XIRP2: variants seen among roughly 807,000 people sequenced by gnomAD.
XIRP2 encodes the protein xin actin binding repeat containing 2.
XIRP2 carries 236 observed loss-of-function variants against 277.0 expected under a neutral mutation model. The ratio of observed to expected loss-of-function variants is 0.85; its 90% CI spans 0.77 to 0.95. The LOEUF (loss-of-function observed/expected upper bound fraction) is 0.95, where lower values mean the gene tolerates loss of function less well. Ranked by LOEUF, XIRP2 falls within the 40% of genes least tolerant of loss-of-function variation. The probability of loss-of-function intolerance (pLI) is 0.00; values close to 1 mark genes in which losing one functional copy is unlikely to be tolerated. For missense variants in XIRP2, 4,640 were observed against 4,157.5 expected (o/e 1.12, Z -3.19); for synonymous variants, 1,490 against 1,416.5 (o/e 1.05, Z -1.17).
At chr2:166,897,741 T>C (rs2105331141) in intron 1 of XIRP2, among the ~76,000 whole-genome samples, 1 of 152,158 alleles carries the variant, frequency 6.6e-6, no homozygotes, top group African/African-American at 2.4e-5. Flanking sequence ...TTAGCCAGGC[T>C]AGAGCTGACC....
chr2:167,047,193 A>G (rs1688806632), intron 2 of XIRP2, among the ~76,000 whole-genome samples: 1 of 151,970 alleles, frequency 6.6e-6, no homozygotes, highest in African/African-American at 2.4e-5. Flanking sequence ...ATCAACAAAT[A>G]AAGTAATACA....
At chr2:166,952,051 T>A (rs1686049987) in intron 2 of XIRP2, among the ~76,000 whole-genome samples, 1 of 152,028 alleles carries the variant, frequency 6.6e-6, no homozygotes, top group South Asian at 2.1e-4. Flanking sequence ...CCTGCCCTAT[T>A]GAAGTGTGTG....
At chr2:167,021,377 C>A (rs1425747735) in intron 2 of XIRP2, among the ~76,000 whole-genome samples, 1 of 151,950 alleles carries the variant, frequency 6.6e-6, no homozygotes, top group Non-Finnish European at 1.5e-5. Flanking sequence ...TAGTTGTTTC[C>A]TGATATGTCT....
chr2:167,136,377 A>G (rs752175393), intron 3 of XIRP2, among the ~76,000 whole-genome samples: 24 of 152,090 alleles, frequency 1.6e-4, no homozygotes, highest in Admixed American at 1.2e-3. Flanking sequence ...TGTGAAAATA[A>G]AAGGAAAACA....
At chr2:166,967,996 G>A (rs1329453289) in intron 2 of XIRP2, among the ~76,000 whole-genome samples, 1 of 151,866 alleles carries the variant, frequency 6.6e-6, no homozygotes, top group African/African-American at 2.4e-5. Context: ...AGAAATAAGG[G>A]TAATCTGATG....
At position 167,246,638 on chromosome 2, in the gene XIRP2, G is replaced by C; in HGVS notation, c.5246G>C (p.Cys1749Ser). The change falls in exon 9 of 11, where the codon TGC (cysteine) becomes TCC (serine). Residue 1749 changes from cysteine to serine, a missense_variant. Coordinates refer to ENST00000409195, the MANE Select transcript of XIRP2 (RefSeq NM_152381.6). ...ERGNVQFFTTCIEAGALDYLK... is the reference protein window; with the variant it reads ...ERGNVQFFTTSIEAGALDYLK... The stretch of plus-strand genomic sequence containing the variant: ...GGAAATGTTCAGTTTTTCACAACCT[G>C]CATAGAAGCTGGAGCTTTGGATTAT... 6.2e-7 allele frequency: 1 copy of C among 1,613,730 alleles called. No individual in the cohort carries two copies. Among genetic ancestry groups the C allele is most frequent in the Non-Finnish European group, 8.5e-7 (1 of 1,179,828 alleles).
chr2:166,938,882 A>C (rs944576005), intron 2 of XIRP2, among the ~76,000 whole-genome samples: 5 of 152,208 alleles, frequency 3.3e-5, no homozygotes, highest in African/African-American at 1.2e-4. Context: ...TTGTTGGTTT[A>C]AAGTCTGTTT....
In XIRP2 at chr2:166,903,660, A is replaced by G. The variant is rs908886126; in HGVS notation, c.178A>G (p.Thr60Ala). The change falls in exon 2 of 11, where the codon ACA becomes GCA. Residue 60 changes from threonine (T) to alanine (A), a missense_variant. By Grantham distance (58) the Thr-to-Ala change is moderately conservative. Coordinates refer to ENST00000409195, the MANE Select transcript of XIRP2 (RefSeq NM_152381.6). ...VVSAPQSLDP[T>A]SLPYSTGEEM... ...ATCAGCACCTCAATCTTTGGATCCC[A>G]CAAGTCTGCCCTACAGTACAGGGGA... 6.2e-7 allele frequency: 1 copy of G among 1,613,574 alleles called. No individual in the cohort carries two copies. Among genetic ancestry groups the G allele is most frequent in the East Asian group, 2.2e-5 (1 of 44,838 alleles).
chr2:167,190,028 A>G (rs937358977), intron 3 of XIRP2, among the ~76,000 whole-genome samples: 2 of 152,198 alleles, frequency 1.3e-5, no homozygotes, highest in African/African-American at 4.8e-5. Flanking sequence ...TATTACTCGT[A>G]TATTATAGAG....
At chr2:167,179,887 A>G (rs1210436575) in intron 3 of XIRP2, among the ~76,000 whole-genome samples, 2 of 152,062 alleles carry the variant, frequency 1.3e-5, no homozygotes, top group Non-Finnish European at 2.9e-5. Flanking sequence ...GGCTCAGGTC[A>G]TCCTTTCGCC....
At chr2:166,976,935 C>A (rs6760867) in intron 2 of XIRP2, among the ~76,000 whole-genome samples, 80,031 of 151,988 alleles carry the variant, frequency 0.53, 23,123 homozygotes, top group East Asian at 0.82. Context: ...TCATTTACCT[C>A]AAAATATTTT....
At chr2:167,187,105 C>T (rs1693176964) in intron 3 of XIRP2, among the ~76,000 whole-genome samples, 1 of 152,102 alleles carries the variant, frequency 6.6e-6, no homozygotes, top group African/African-American at 2.4e-5. Context: ...CTCATCGGCA[C>T]TGGTTCATTT....
At chr2:166,927,343 T>C (rs757964018) in intron 2 of XIRP2, among the ~76,000 whole-genome samples, 4 of 152,156 alleles carry the variant, frequency 2.6e-5, no homozygotes, top group Non-Finnish European at 4.4e-5. Flanking sequence ...ACAAATTTAT[T>C]ATCTTACGCT....
In XIRP2 at chr2:167,247,741, G is replaced by T. The variant is rs1316494310; in HGVS notation, c.6349G>T (p.Ala2117Ser). Residue 2117 changes from alanine to serine, a missense_variant, in exon 9 of 11, where the codon GCT becomes TCT. Transcript: ENST00000409195. ...TGATGTCTTTAATTCCATCCAATCT[G>T]CTGGTAAAACCGTTGGAAAGCAACA... is the stretch of plus-strand genomic sequence containing the variant. ...KDDVFNSIQS[A>S]GKTVGKQQTY... 1 of 1,613,576 alleles carries T rather than the reference G, an allele frequency of 6.2e-7. No homozygotes were observed. The highest frequency in any genetic ancestry group is 8.5e-7 in the Non-Finnish European group (1 of 1,179,744).
intron 3 of XIRP2, among the ~76,000 whole-genome samples, chr2:167,189,673 G>A (rs905857877): frequency 6.6e-6 from 1 of 152,086 alleles, no homozygotes; most frequent in African/African-American, 2.4e-5. Flanking sequence ...GGTGCATGTT[G>A]TTTATATGAC....
At chr2:167,067,783 A>T (rs2105246887) in intron 2 of XIRP2, among the ~76,000 whole-genome samples, 2 of 152,322 alleles carry the variant, frequency 1.3e-5, no homozygotes, top group Non-Finnish European at 2.9e-5. Context: ...AAGTGCAATA[A>T]ACCAAGGTAT....
At chr2:166,901,680 A>T (rs1349368829) in intron 1 of XIRP2, among the ~76,000 whole-genome samples, 1 of 152,136 alleles carries the variant, frequency 6.6e-6, no homozygotes, top group Non-Finnish European at 1.5e-5. Context: ...CACATATGAG[A>T]CACAGACATT....
At chr2:167,094,185 A>G (rs750504461) in intron 2 of XIRP2, among the ~76,000 whole-genome samples, 3 of 151,864 alleles carry the variant, frequency 2.0e-5, no homozygotes, top group Non-Finnish European at 4.4e-5. Context: ...TCTTGTAAAT[A>G]TGTTTAAGTT....
chr2:166,965,935 T>G (rs1353068182), intron 2 of XIRP2, among the ~76,000 whole-genome samples: 1 of 151,838 alleles, frequency 6.6e-6, no homozygotes, highest in African/African-American at 2.4e-5. Context: ...TTTTATCAAA[T>G]TAAAAGTTGT....
Sources: gnomAD v4.1 joint callset for allele counts (sites outside exome capture counted in the v4.1 genomes callset) on GRCh38, gnomAD v4.1.1 for gene constraint, MANE v1.5 for transcripts, NCBI Gene and HGNC (gene_info 2026-07-23, HGNC 2026-07-21) for gene names.